Variants in PEBP4 observed in about 807,000 individuals in gnomAD.
PEBP4 encodes the protein phosphatidylethanolamine-binding protein 4.
In PEBP4, 22 loss-of-function variants were observed where a neutral mutation model predicts 23.9. That is an observed-to-expected ratio of 0.92 (90% CI 0.66 to 1.31). The LOEUF (loss-of-function observed/expected upper bound fraction) is 1.31. Among genes scored for constraint, PEBP4 ranks in the 40% most tolerant of loss-of-function variants. The probability of loss-of-function intolerance (pLI) is 0.00; values close to 1 mark genes in which losing one functional copy is unlikely to be tolerated. For missense variants in PEBP4, 324 were observed against 281.7 expected, an observed-to-expected ratio of 1.15 and a Z score of -1.07; for synonymous variants, 112 against 99.3, an observed-to-expected ratio of 1.13 and a Z score of -0.76.
chr8:22,737,121 C>T (rs746663146), intron 4 of PEBP4, among the ~76,000 whole-genome samples: 6 of 151,954 alleles, frequency 3.9e-5, no homozygotes, highest in Admixed American at 6.6e-5. Context: ...TGGCAAAACC[C>T]GGTCTCTATT....
intron 3 of PEBP4, among the ~76,000 whole-genome samples, chr8:22,837,871 C>A (rs1415611873): frequency 7.5e-6 from 1 of 133,114 alleles, no homozygotes; most frequent in Admixed American, 7.5e-5. Flanking sequence ...TTTGGCCTCT[C>A]TTATTAGATT....
intron 6 of PEBP4, among the ~76,000 whole-genome samples, chr8:22,720,662 T>C (rs1450290285): frequency 6.6e-6 from 1 of 152,224 alleles, no homozygotes; most frequent in Non-Finnish European, 1.5e-5. Context: ...CACATAGCTG[T>C]CCTGTGACGC....
At chr8:22,933,248 C>A (rs1809488125) in intron 1 of PEBP4, among the ~76,000 whole-genome samples, 1 of 152,158 alleles carries the variant, frequency 6.6e-6, no homozygotes, top group South Asian at 2.1e-4. Context: ...AGACCGACTA[C>A]AGACCTTCAG....
At chr8:22,922,494 G>T (rs1417985088) in intron 2 of PEBP4, among the ~76,000 whole-genome samples, 2 of 105,064 alleles carry the variant, frequency 1.9e-5, no homozygotes, top group African/African-American at 6.1e-5. Context: ...GGAGGCTGGG[G>T]TGGGAGCATC....
At chr8:22,818,421 TG>T (rs1273188641) in intron 3 of PEBP4, among the ~76,000 whole-genome samples, 1 of 152,010 alleles carries the variant, frequency 6.6e-6, no homozygotes, top group Non-Finnish European at 1.5e-5. Flanking sequence ...AAAAAATAGC[TG>T]CTATGAAGGT....
At chr8:22,819,470 G>T (rs116877501) in intron 3 of PEBP4, among the ~76,000 whole-genome samples, 2 of 152,190 alleles carry the variant, frequency 1.3e-5, no homozygotes, top group African/African-American at 4.8e-5. Context: ...GATGGGAGAC[G>T]AGGAATTGGA....
chr8:22,747,229 T>C (rs1054526321), intron 4 of PEBP4, among the ~76,000 whole-genome samples: 26 of 152,272 alleles, frequency 1.7e-4, no homozygotes, highest in African/African-American at 6.3e-4. Flanking sequence ...GTGACTACCA[T>C]AGTGGACATC....
At chr8:22,932,411 A>C (rs6557602), upstream of PEBP4, among the ~76,000 whole-genome samples, 62 of 151,800 alleles carry the variant, frequency 4.1e-4, no homozygotes, top group African/African-American at 1.5e-3. Flanking sequence ...TTGTGAGATA[A>C]GTGGAGCATA....
chr8:22,866,670 G>A (rs1807909146), intron 3 of PEBP4, among the ~76,000 whole-genome samples: 1 of 151,888 alleles, frequency 6.6e-6, no homozygotes. Context: ...AAAACAGTAT[G>A]TACAGTATGC....
intron 4 of PEBP4, among the ~76,000 whole-genome samples, chr8:22,802,847 G>A (rs1306570752): frequency 6.6e-6 from 1 of 152,142 alleles, no homozygotes; most frequent in Admixed American, 6.5e-5. Flanking sequence ...GATCAAGTAT[G>A]GAATTATAAA....
chr8:22,848,191 A>C (rs1807479453), intron 3 of PEBP4, among the ~76,000 whole-genome samples: 1 of 152,188 alleles, frequency 6.6e-6, no homozygotes. Flanking sequence ...AAGAGCTATA[A>C]TAGACAACGA....
chr8:22,916,019 G>T (rs1402679271), intron 3 of PEBP4, among the ~76,000 whole-genome samples: 2 of 152,198 alleles, frequency 1.3e-5, no homozygotes, highest in Non-Finnish European at 2.9e-5. Context: ...TAGAGGCCTG[G>T]GCTGGCATGA....
chr8:22,913,629 T>C (rs1808997082), intron 3 of PEBP4, among the ~76,000 whole-genome samples: 1 of 152,112 alleles, frequency 6.6e-6, no homozygotes, highest in African/African-American at 2.4e-5. Context: ...CTCCCACCCC[T>C]GACTTCCAGT....
intron 6 of PEBP4, among the ~76,000 whole-genome samples, chr8:22,723,146 G>A (rs1419714507): frequency 6.6e-6 from 1 of 152,092 alleles, no homozygotes; most frequent in African/African-American, 2.4e-5. Flanking sequence ...TGGACAAAAG[G>A]TGGGTCAAGG....
intron 3 of PEBP4, among the ~76,000 whole-genome samples, chr8:22,819,852 T>C (rs1179480728): frequency 1.3e-5 from 2 of 152,178 alleles, no homozygotes; most frequent in Admixed American, 6.5e-5. Flanking sequence ...ATGATCCACC[T>C]GCCTCGGCCT....
intron 3 of PEBP4, among the ~76,000 whole-genome samples, chr8:22,917,459 G>T (rs530888648): frequency 6.6e-6 from 1 of 151,976 alleles, no homozygotes; most frequent in Admixed American, 6.6e-5. Context: ...GCTTCCCTTC[G>T]GCCAGCCCAC....
intron 5 of PEBP4, among the ~76,000 whole-genome samples, chr8:22,726,731 C>T (rs577687180): frequency 7.1e-4 from 108 of 152,344 alleles, no homozygotes; most frequent in African/African-American, 5.3e-4. Context: ...CCCAAGCCCA[C>T]GCTGCTTCAC....
In PEBP4 at chr8:22,773,249, T is replaced by A. The variant is rs565484244; in HGVS notation, c.357+44388A>T. ...AGCAGAATAATTGCTATTAATGTCCTATCGCAGCACAAAAGGCAGTTCGCT... is the reference window on the plus strand; with the variant it reads ...AGCAGAATAATTGCTATTAATGTCCAATCGCAGCACAAAAGGCAGTTCGCT... On this transcript the variant is annotated intron_variant, in intron 4 of 6. Coordinates refer to ENST00000256404, the MANE Select transcript of PEBP4 (RefSeq NM_144962.3). Among the ~76,000 whole-genome samples the A allele has an allele frequency of 4.6e-5, 7 of 152,362 alleles. No homozygotes were observed. The South Asian group carries it at 1.5e-3, about 32-fold the overall frequency.
chr8:22,784,309 A>G (rs1034805672), intron 4 of PEBP4, among the ~76,000 whole-genome samples: 34 of 152,236 alleles, frequency 2.2e-4, no homozygotes, highest in Admixed American at 1.8e-3. Context: ...TAGAACACAC[A>G]GCACACTCGG....
Sources: allele counts gnomAD v4.1 joint callset (sites outside exome capture counted in the v4.1 genomes callset), GRCh38; gene constraint gnomAD v4.1.1; transcripts MANE v1.5; gene names NCBI Gene and HGNC (gene_info 2026-07-23, HGNC 2026-07-21).